Variants in KIAA1549L observed in about 807,000 individuals in gnomAD.
KIAA1549L encodes UPF0606 protein KIAA1549L.
A neutral mutation model predicts 160.7 loss-of-function variants in KIAA1549L; 88 were observed. That is an observed-to-expected ratio of 0.55 (90% CI 0.46 to 0.65). The LOEUF (loss-of-function observed/expected upper bound fraction) is 0.65, where lower values mean the gene tolerates loss of function less well. Among genes scored for constraint, KIAA1549L ranks in the 30% least tolerant of loss-of-function variants. The pLI, the probability that KIAA1549L is intolerant of heterozygous loss-of-function variation, is 0.00. For missense variants in KIAA1549L, 2,258 were observed against 2,437.5 expected (o/e 0.93, Z 1.55); for synonymous variants, 950 against 976.7 (o/e 0.97, Z 0.51).
chr11:33,500,250 A>T (rs974162107), intron 1 of KIAA1549L, among the ~76,000 whole-genome samples: 1 of 152,178 alleles, frequency 6.6e-6, no homozygotes, highest in Non-Finnish European at 1.5e-5. Flanking sequence ...CTGTTTCAAG[A>T]TCGAGTCAGG....
chr11:33,407,326 C>T (rs1353821900), intron 1 of KIAA1549L, among the ~76,000 whole-genome samples: 2 of 151,010 alleles, frequency 1.3e-5, no homozygotes, highest in South Asian at 2.1e-4. Flanking sequence ...CCTCGTGATC[C>T]GCCCGCCTCG....
chr11:33,503,664 A>G (rs960449105), intron 1 of KIAA1549L, among the ~76,000 whole-genome samples: 3 of 152,226 alleles, frequency 2.0e-5, no homozygotes, highest in South Asian at 4.1e-4. Flanking sequence ...TTCCCATTAT[A>G]TAAAGTGAAA....
At chr11:33,625,098 T>G (rs1472358026) in intron 16 of KIAA1549L, among the ~76,000 whole-genome samples, 4 of 152,006 alleles carry the variant, frequency 2.6e-5, no homozygotes, top group African/African-American at 7.2e-5. Context: ...TCATCATTTT[T>G]TATGGCTGCA....
rs186800879 is a variant in KIAA1549L at position 33,407,908 on chromosome 11, C to T, written c.238+31019C>T. ...CCCCCACATTCCTCATGAGTTCTCA[C>T]TCAGAGTTCTTGAGCTTTCTTTAGT... On this transcript the variant is annotated intron_variant, in intron 1 of 20. Coordinates refer to ENST00000658780, the MANE Select transcript of KIAA1549L (RefSeq NM_012194.3). Among the ~76,000 whole-genome samples the T allele has an allele frequency of 3.3e-5, 5 of 152,298 alleles. No homozygotes were observed. The East Asian group carries it at 9.6e-4, about 29-fold the overall frequency.
intron 1 of KIAA1549L, among the ~76,000 whole-genome samples, chr11:33,453,765 A>T (rs1412812755): frequency 1.3e-5 from 2 of 152,238 alleles, no homozygotes; most frequent in Non-Finnish European, 2.9e-5. Context: ...ATTGTCAAGC[A>T]TCTGCAGTTT....
chr11:33,571,081 G>C (rs948861699), intron 9 of KIAA1549L, among the ~76,000 whole-genome samples: 2 of 152,184 alleles, frequency 1.3e-5, no homozygotes, highest in African/African-American at 4.8e-5. Flanking sequence ...TCAAGAGATG[G>C]AGACCATTCT....
chr11:33,393,095 C>CT (rs1850302603), intron 1 of KIAA1549L, among the ~76,000 whole-genome samples: 1 of 152,026 alleles, frequency 6.6e-6, no homozygotes, highest in Non-Finnish European at 1.5e-5. Context: ...CTCAGTTTGA[C>CT]TTCATTGCTT....
At chr11:33,598,742 G>C (rs1313695557) in intron 12 of KIAA1549L, 78 bp from the exon 13 acceptor site, 3 of 1,523,700 alleles carry the variant, frequency 2.0e-6, no homozygotes, top group Non-Finnish European at 2.7e-6. Flanking sequence ...ACATTAAACT[G>C]TGCAAATAAA....
At chr11:33,405,714 C>A (rs1850631901) in intron 1 of KIAA1549L, among the ~76,000 whole-genome samples, 2 of 151,640 alleles carry the variant, frequency 1.3e-5, no homozygotes, top group South Asian at 4.2e-4. Flanking sequence ...TGGTGGCGGG[C>A]ACCTGTAGTC....
chr11:33,546,488 G>T (rs1854268842), intron 3 of KIAA1549L, among the ~76,000 whole-genome samples: 1 of 151,906 alleles, frequency 6.6e-6, no homozygotes, highest in African/African-American at 2.4e-5. Context: ...CTACCTCCTG[G>T]ATACCCCTTC....
At chr11:33,500,678 G>C (rs1852926454) in intron 1 of KIAA1549L, among the ~76,000 whole-genome samples, 2 of 151,780 alleles carry the variant, frequency 1.3e-5, no homozygotes, top group African/African-American at 4.8e-5. Context: ...CCAACACAAA[G>C]AAAAAAATAA....
At chr11:33,569,260 T>G (rs1278535780) in intron 9 of KIAA1549L, among the ~76,000 whole-genome samples, 1 of 152,230 alleles carries the variant, frequency 6.6e-6, no homozygotes, top group Non-Finnish European at 1.5e-5. Context: ...TAGCCAGGTC[T>G]GCTTATCTTG....
At chr11:33,545,709 G>T (rs916865102) in intron 3 of KIAA1549L, among the ~76,000 whole-genome samples, 7 of 152,186 alleles carry the variant, frequency 4.6e-5, no homozygotes, top group African/African-American at 1.4e-4. Context: ...GAGAGGGCCT[G>T]ATGTGGCATG....
At chr11:33,634,596 A>G (rs1178831852) in intron 16 of KIAA1549L, among the ~76,000 whole-genome samples, 1 of 152,224 alleles carries the variant, frequency 6.6e-6, no homozygotes, top group South Asian at 2.1e-4. Context: ...TGGGGGGAGA[A>G]AGACGGGAAG....
chr11:33,508,083 G>A (rs1853133736), intron 1 of KIAA1549L, among the ~76,000 whole-genome samples: 1 of 152,178 alleles, frequency 6.6e-6, no homozygotes, highest in South Asian at 2.1e-4. Flanking sequence ...AGCAAAACAG[G>A]TCTGCTGCAC....
Position 33,574,728 on chromosome 11 carries a change from C to T in KIAA1549L, c.4257C>T (p.Gly1419=). 6.2e-7 allele frequency: 1 copy of T among 1,612,780 alleles called. No homozygotes were observed. The highest frequency in any genetic ancestry group is 2.2e-5 in the East Asian group (1 of 44,850). Residue 1419 remains glycine (G), a synonymous_variant, in exon 10 of 21, where the codon GGC becomes GGT. Transcript: ENST00000658780. The stretch of plus-strand genomic sequence containing the variant: ...TGGTGAAGATGCAGCGTGTCCCAGG[C>T]CCGAAGGACCCAGCGGAGCTGACTT... ...VQMVKMQRVP[G]PKDPAELTYY...
chr11:33,595,137 C>G (rs1850164234), intron 12 of KIAA1549L, among the ~76,000 whole-genome samples: 1 of 152,070 alleles, frequency 6.6e-6, no homozygotes, highest in African/African-American at 2.4e-5. Flanking sequence ...TCAATTACCC[C>G]CAAATTTTTA....
chr11:33,666,692 C>G (rs961856553), intron 20 of KIAA1549L, among the ~76,000 whole-genome samples: 6 of 152,216 alleles, frequency 3.9e-5, no homozygotes, highest in Non-Finnish European at 8.8e-5. Flanking sequence ...GCATAGGACT[C>G]TGTGTCTTCC....
At chr11:33,386,938 C>G (rs959476435) in intron 1 of KIAA1549L, among the ~76,000 whole-genome samples, 3 of 152,020 alleles carry the variant, frequency 2.0e-5, no homozygotes, top group African/African-American at 7.2e-5. Flanking sequence ...GAAACCCCGT[C>G]TCTACTAAAA....
Sources: gnomAD v4.1 joint callset for allele counts (sites outside exome capture counted in the v4.1 genomes callset) on GRCh38, gnomAD v4.1.1 for gene constraint, MANE v1.5 for transcripts, NCBI Gene and HGNC (gene_info 2026-07-23, HGNC 2026-07-21) for gene names.